Variants in TBC1D4 observed in about 807,000 individuals in gnomAD.
The protein encoded by TBC1D4 is TBC (Tre-2, BUB2, CDC16) domain-containing protein.
In TBC1D4, 121 loss-of-function variants were observed where a neutral mutation model predicts 142.5. That is an observed-to-expected ratio of 0.85 (90% confidence interval 0.73 to 0.99). The LOEUF (loss-of-function observed/expected upper bound fraction) is 0.99. Among genes scored for constraint, TBC1D4 ranks in the 50% least tolerant of loss-of-function variants. The probability of loss-of-function intolerance (pLI) is 0.00; values close to 1 mark genes in which losing one functional copy is unlikely to be tolerated. For synonymous variants in TBC1D4, 630 were observed against 628.2 expected, an observed-to-expected ratio of 1.00 and a Z score of -0.04; for missense variants, 1,475 against 1,606.6, an observed-to-expected ratio of 0.92 and a Z score of 1.40.
intron 2 of TBC1D4, among the ~76,000 whole-genome samples, chr13:75,361,367 G>T (rs1290577982): frequency 4.6e-5 from 7 of 152,016 alleles, no homozygotes; most frequent in African/African-American, 1.7e-4. Flanking sequence ...TATCTTTAAA[G>T]ATTTACTTTC....
At chr13:75,291,442 C>T (rs528250526) in intron 19 of TBC1D4, among the ~76,000 whole-genome samples, 6 of 152,288 alleles carry the variant, frequency 3.9e-5, no homozygotes, top group South Asian at 2.1e-4. Flanking sequence ...CTAGTTCCTT[C>T]GCACCTGGAC....
chr13:75,355,827 C>T (rs1275635313), intron 4 of TBC1D4, among the ~76,000 whole-genome samples: 2 of 152,170 alleles, frequency 1.3e-5, no homozygotes, highest in Admixed American at 6.5e-5. Flanking sequence ...GATCAATGGC[C>T]TTCCTTATCT....
chr13:75,460,423 A>C (rs1887918518), intron 1 of TBC1D4, among the ~76,000 whole-genome samples: 1 of 152,206 alleles, frequency 6.6e-6, no homozygotes, highest in Non-Finnish European at 1.5e-5. Context: ...AAGATCAGGA[A>C]ACCAGGTGAA....
Position 75,316,237 on chromosome 13 carries a change from G to A in TBC1D4, c.2223-3339C>T, listed in dbSNP as rs535398651. Among the ~76,000 whole-genome samples, 20 of 152,250 alleles carry A rather than the reference G, an allele frequency of 1.3e-4. No individual in the cohort carries two copies. In the South Asian group the frequency reaches 2.3e-3, roughly 17 times the overall value. ...TGAGTTGTACCCATATCAGTTTCAT[G>A]ATTGCCTATAAAATACAAAGTTTTG... is the stretch of plus-strand genomic sequence containing the variant. On this transcript the variant is annotated intron_variant, in intron 12 of 20. Coordinates refer to ENST00000377636, the MANE Select transcript of TBC1D4 (RefSeq NM_014832.5).
Position 75,453,675 on chromosome 13 carries a change from A to C in TBC1D4, c.498+27595T>G, listed in dbSNP as rs550583845. On this transcript the variant is annotated intron_variant, in intron 1 of 20. Transcript: ENST00000377636. ...TCAGGTGTTCAAGACTAGCCTGGCC[A>C]ACATGGCAAAACCCCGTCTCTACTA... Among the ~76,000 whole-genome samples the C allele has an allele frequency of 7.2e-5, 11 of 152,324 alleles. No homozygotes were observed. In the East Asian group the frequency reaches 2.1e-3, roughly 29 times the overall value.
At chr13:75,353,766 T>TA (rs765890465) in intron 4 of TBC1D4, among the ~76,000 whole-genome samples, 158 of 151,634 alleles carry the variant, frequency 1.0e-3, no homozygotes, top group Non-Finnish European at 2.0e-3. Flanking sequence ...TTAAAAGCAG[T>TA]AAAAAAAAGA....
chr13:75,467,593 G>C (rs1017736466), intron 1 of TBC1D4, among the ~76,000 whole-genome samples: 1 of 152,332 alleles, frequency 6.6e-6, no homozygotes, highest in East Asian at 1.9e-4. Context: ...CCCTTTTGAG[G>C]AAGGAGGTGG....
At chr13:75,408,203 A>T (rs1276057230) in intron 1 of TBC1D4, among the ~76,000 whole-genome samples, 1 of 152,214 alleles carries the variant, frequency 6.6e-6, no homozygotes, top group Non-Finnish European at 1.5e-5. Context: ...ATGATGTCAT[A>T]TTAATATGTG....
intron 1 of TBC1D4, among the ~76,000 whole-genome samples, chr13:75,440,172 T>C (rs1886975131): frequency 6.6e-6 from 1 of 151,584 alleles, no homozygotes; most frequent in South Asian, 2.1e-4. Flanking sequence ...ACAAACAGAA[T>C]AATGCGATAA....
intron 8 of TBC1D4, among the ~76,000 whole-genome samples, chr13:75,330,744 A>G (rs932315765): frequency 6.6e-6 from 1 of 152,372 alleles, no homozygotes; most frequent in East Asian, 1.9e-4. Flanking sequence ...GGAATTTTGT[A>G]AATGTCCTAG....
chr13:75,288,448 A>G (rs1874917465), intron 20 of TBC1D4, among the ~76,000 whole-genome samples: 1 of 152,094 alleles, frequency 6.6e-6, no homozygotes, highest in African/African-American at 2.4e-5. Flanking sequence ...TTCTGCCTCT[A>G]TCATATTTAC....
intron 1 of TBC1D4, among the ~76,000 whole-genome samples, chr13:75,363,089 G>A (rs148153420): frequency 2.6e-5 from 4 of 152,132 alleles, no homozygotes; most frequent in East Asian, 1.9e-4. Flanking sequence ...ATACCTCTTA[G>A]AATGGCTAAG....
intron 12 of TBC1D4, among the ~76,000 whole-genome samples, chr13:75,319,657 G>T (rs1490571340): frequency 1.3e-5 from 2 of 152,120 alleles, no homozygotes; most frequent in Non-Finnish European, 2.9e-5. Context: ...CATCTTCTTG[G>T]CATTTGGAAT....
chr13:75,481,254 C>G lies in TBC1D4; in HGVS notation c.498+16G>C. Reference sequence around the variant, plus strand: ...AAGGCCGAGCCCGCCCCCGCGCCTCCGAGCCCCTGTCTTGCCTGGCTGGGG... The same window carrying G: ...AAGGCCGAGCCCGCCCCCGCGCCTCGGAGCCCCTGTCTTGCCTGGCTGGGG... On this transcript the variant is annotated intron_variant, in intron 1 of 20. Transcript: ENST00000377636. 6.2e-7 allele frequency: 1 copy of G among 1,611,450 alleles called. No individual in the cohort carries two copies. The highest frequency in any genetic ancestry group is 8.5e-7 in the Non-Finnish European group (1 of 1,178,672).
At chr13:75,349,969 A>G (rs755602740) in intron 4 of TBC1D4, among the ~76,000 whole-genome samples, 3 of 152,192 alleles carry the variant, frequency 2.0e-5, no homozygotes, top group Non-Finnish European at 4.4e-5. Context: ...CTACCAGTTA[A>G]CTTCTTTTTT....
At chr13:75,389,918 C>T in intron 1 of TBC1D4, among the ~76,000 whole-genome samples, 1 of 151,988 alleles carries the variant, frequency 6.6e-6, no homozygotes, top group South Asian at 2.1e-4. Context: ...GAAGTCTGGG[C>T]CCTACAAGTA....
In TBC1D4 at chr13:75,292,110, T is replaced by A; in HGVS notation, c.3478A>T (p.Ile1160Phe). Residue 1160 changes from isoleucine to phenylalanine, a missense_variant, in exon 19 of 21, where the codon ATT becomes TTT. This residue lies in a region of TBC1D4 where 248 missense variants were observed against 338.9 expected (regional missense o/e 0.73). Coordinates refer to ENST00000377636, the MANE Select transcript of TBC1D4 (RefSeq NM_014832.5). The part of the protein sequence containing the change: ...DMNTSEMEKI[I>F]TQVFEMDISK... Reference sequence around the variant, plus strand: ...TAGCATTTAAATCATACCTGGGTAATAATTTTTTCCATTTCAGAGGTATTC... The same window carrying A: ...TAGCATTTAAATCATACCTGGGTAAAAATTTTTTCCATTTCAGAGGTATTC... 1 of 1,610,558 alleles carries A rather than the reference T, an allele frequency of 6.2e-7. No individual in the cohort carries two copies. Among genetic ancestry groups the A allele is most frequent in the Non-Finnish European group, 8.5e-7 (1 of 1,177,950 alleles).
intron 1 of TBC1D4, among the ~76,000 whole-genome samples, chr13:75,453,060 G>C (rs912926775): frequency 6.6e-6 from 1 of 152,028 alleles, no homozygotes; most frequent in African/African-American, 2.4e-5. Context: ...ATTTTCAAAT[G>C]CATTAAAATT....
Position 75,304,595 on chromosome 13 carries a change from G to T in TBC1D4, c.2752+1718C>A, listed in dbSNP as rs144595611. Reference sequence around the variant, plus strand: ...ACAATGAACTGATTTTGGTCGGGGGGCAGGGGTGGTGCTCTGAGGAAATGG... The same window carrying T: ...ACAATGAACTGATTTTGGTCGGGGGTCAGGGGTGGTGCTCTGAGGAAATGG... On this transcript the variant is annotated intron_variant, in intron 15 of 20. Transcript: ENST00000377636. Among the ~76,000 whole-genome samples, 366 of 152,302 alleles carry T rather than the reference G, an allele frequency of 2.4e-3. 2 individuals carry two copies. The highest frequency in any genetic ancestry group is 8.3e-3 in the African/African-American group (345 of 41,572).
Sources: allele counts gnomAD v4.1 joint callset (sites outside exome capture counted in the v4.1 genomes callset), GRCh38; gene constraint gnomAD v4.1.1; regional missense constraint gnomAD v4.1.1; transcripts MANE v1.5; gene names NCBI Gene and HGNC (gene_info 2026-07-23, HGNC 2026-07-21).